Variants in TRRAP observed in about 807,000 individuals in gnomAD.
TRRAP encodes transformation/transcription domain associated protein.
A neutral mutation model predicts 438.8 loss-of-function variants in TRRAP; 41 were observed. That is an observed-to-expected ratio of 0.09 (90% CI 0.07 to 0.12). TRRAP has a LOEUF of 0.12. Among genes scored for constraint, TRRAP ranks in the 10% least tolerant of loss-of-function variants. The pLI is 1.00. For synonymous variants in TRRAP, 1,994 were observed against 1,962.9 expected (o/e 1.02, Z -0.42); for missense variants, 3,122 against 5,055.1 (o/e 0.62, Z 11.60).
At chr7:98,923,245 C>T (rs536773574) in intron 21 of TRRAP, among the ~76,000 whole-genome samples, 13 of 152,194 alleles carry the variant, frequency 8.5e-5, no homozygotes, top group South Asian at 4.1e-4. Context: ...CCAAAAAATT[C>T]CCTTTAGAAG....
chr7:98,937,566 C>G, intron 29 of TRRAP, 84 bp from the exon 30 acceptor site: 4 of 1,387,694 alleles, frequency 2.9e-6, no homozygotes, highest in Non-Finnish European at 3.8e-6. Flanking sequence ...CGGAAACTTG[C>G]AGCTAAGGTT....
At position 98,931,422 on chromosome 7, in the gene TRRAP, C is replaced by A. The variant is rs201815853; in HGVS notation, c.3609C>A (p.Val1203=). ...ACTTGCAGGTTTCCAATGGGGCAGT[C>A]GCTATGGCAAAGACCACGCTGGAGC... is the stretch of plus-strand genomic sequence containing the variant. ...DLTGEVSNGA[V]AMAKTTLEQL... Residue 1203 remains valine, a synonymous_variant, in exon 26 of 73, where the codon GTC becomes GTA. Transcript: ENST00000456197. 6.2e-7 allele frequency: 1 copy of A among 1,613,782 alleles called. No homozygotes were observed. The highest frequency in any genetic ancestry group is 8.5e-7 in the Non-Finnish European group (1 of 1,179,928).
chr7:98,891,390 T>C lies in TRRAP; in HGVS notation c.261+945T>C, dbSNP rs1584272354. 2.7e-5 allele frequency among the ~76,000 whole-genome samples: 4 copies of C among 150,686 alleles called. No individual in the cohort carries two copies. The South Asian group carries it at 6.3e-4, about 24-fold the overall frequency. On this transcript the variant is annotated intron_variant, in intron 4 of 72. Coordinates refer to ENST00000456197, the MANE Select transcript of TRRAP (RefSeq NM_001375524.1). ...CCATGCCCAGCTAGTTTTTGTACTT[T>C]AATAGAGACCATGTTGGCCAGGCTG...
In TRRAP at chr7:99,011,850, CTG is replaced by C. The variant is rs900046275; in HGVS notation, c.11338-220_11338-219del. ...TCATCTAGGTCCGCGCTGCCCAACA[CTG>C]AGGCCTTCTGGCTGCTGCTCCAAGT... On this transcript the variant is annotated intron_variant, in intron 72 of 72. Transcript: ENST00000456197. The surrounding 1 kb of genome is among the most constrained non-coding windows in gnomAD (Gnocchi z 7.1). 6.6e-5 allele frequency among the ~76,000 whole-genome samples: 10 copies of C among 152,232 alleles called. No individual in the cohort carries two copies. Among genetic ancestry groups the C allele is most frequent in the African/African-American group, 1.2e-4 (5 of 41,468 alleles).
rs371418904 is a variant in TRRAP, at chr7:98,978,347, G to A, written c.8498+24G>A. ...CGGTAAGCCAAACACAGTGCTTGACGTGTGCATGAATCAGTTAAGGGAACC... is the reference window on the plus strand; with the variant it reads ...CGGTAAGCCAAACACAGTGCTTGACATGTGCATGAATCAGTTAAGGGAACC... On this transcript the variant is annotated intron_variant, in intron 57 of 72. Coordinates refer to ENST00000456197, the MANE Select transcript of TRRAP (RefSeq NM_001375524.1). 5.2e-5 allele frequency: 82 copies of A among 1,583,292 alleles called. 1 individual carries two copies. The African/African-American group carries it at 8.4e-4, about 16-fold the overall frequency.
At chr7:98,989,488 A>G (rs1040207573) in intron 63 of TRRAP, among the ~76,000 whole-genome samples, 2 of 152,250 alleles carry the variant, frequency 1.3e-5, no homozygotes, top group Non-Finnish European at 2.9e-5. Flanking sequence ...TCTTCCCCCA[A>G]GAAGCAGACA....
intron 30 of TRRAP, among the ~76,000 whole-genome samples, chr7:98,942,657 C>G (rs1554415939): frequency 6.6e-6 from 1 of 152,212 alleles, no homozygotes; most frequent in South Asian, 2.1e-4. Flanking sequence ...TCCAAGCACT[C>G]AGTGAACAGC....
Position 98,945,922 on chromosome 7 carries a change from TG to T in TRRAP, c.4528-6del. On this transcript the variant is annotated splice_region_variant and splice_polypyrimidine_tract_variant and intron_variant, in intron 32 of 72. Transcript: ENST00000456197. ...TTTTTTCATGCTGTAATTTTTGTTTTGGTTCAGCCTGCCATGGAAGGGGTAG... is the reference window on the plus strand; with the variant it reads ...TTTTTTCATGCTGTAATTTTTGTTTTGTTCAGCCTGCCATGGAAGGGGTAG... 6.6e-7 allele frequency: 1 copy of T among 1,509,528 alleles called. No individual in the cohort carries two copies. The highest frequency in any genetic ancestry group is 8.8e-7 in the Non-Finnish European group (1 of 1,130,246). 93.5% of individuals were successfully genotyped at this position (1,509,528 alleles called of 1,614,324 possible). A position where few individuals can be genotyped will look rare whatever the true frequency, so the allele number is the denominator to read the frequency against.
At chr7:98,894,816 T>C (rs1332221881) in intron 6 of TRRAP, among the ~76,000 whole-genome samples, 1 of 135,904 alleles carries the variant, frequency 7.4e-6, no homozygotes, top group Non-Finnish European at 1.6e-5. Flanking sequence ...TTTGTATTTT[T>C]AGTAGAGATG....
chr7:98,905,300 G>A (rs991342802), intron 12 of TRRAP, among the ~76,000 whole-genome samples: 35 of 152,170 alleles, frequency 2.3e-4, no homozygotes, highest in Admixed American at 1.3e-4. Context: ...ACCTAGAGAT[G>A]TGCATCTTGC....
rs542987833 is a variant in TRRAP, at chr7:98,965,026, G to A, written c.6976+251G>A. ...AGCTCCTCAGCGGGCTGAGGCAAGA[G>A]GATTGCATGAGGCCCAGAGTTGGAG... On this transcript the variant is annotated intron_variant, in intron 48 of 72. Transcript: ENST00000456197. Among the ~76,000 whole-genome samples the A allele has an allele frequency of 5.4e-4, 82 of 152,376 alleles. 1 individual carries two copies. The highest frequency in any genetic ancestry group is 2.0e-3 in the African/African-American group (82 of 41,590).
intron 8 of TRRAP, 140 bp downstream of exon 8, chr7:98,898,006 C>T (rs1554406054): frequency 6.6e-6 from 9 of 1,365,730 alleles, no homozygotes; most frequent in Non-Finnish European, 9.1e-6. Context: ...ACTGGTCCTT[C>T]TCTGCAGCCT....
Position 98,892,447 on chromosome 7 carries a change from A to C in TRRAP, c.285A>C (p.Glu95Asp), listed in dbSNP as rs1230101757. 8.1e-6 allele frequency: 13 copies of C among 1,611,760 alleles called. No homozygotes were observed. Among genetic ancestry groups the C allele is most frequent in the Non-Finnish European group, 1.1e-5 (13 of 1,179,598 alleles). ...AGCAACTGCGGAAGCTCGTACTTGA[A>C]ATAATTCATAGAATACCAACCAACG... ...PAQQLRKLVL[E>D]IIHRIPTNEH... The change falls in exon 5 of 73, where the codon GAA (glutamate) becomes GAC (aspartate). Residue 95 changes from glutamate (E) to aspartate (D), a missense_variant. Transcript: ENST00000456197.
chr7:98,978,109 A>G (rs1792751225), intron 56 of TRRAP, 102 bp from the exon 57 acceptor site: 1 of 1,069,198 alleles, frequency 9.4e-7, no homozygotes, highest in Non-Finnish European at 1.4e-6. Context: ...CAACATAGCA[A>G]AACCTCATCT....
At chr7:98,959,228 A>G in intron 44 of TRRAP, 116 bp from the exon 45 acceptor site, 1 of 1,383,782 alleles carries the variant, frequency 7.2e-7, no homozygotes, top group Non-Finnish European at 9.9e-7. Context: ...GGTGGCTGTG[A>G]GGTGAAGATC....
chr7:99,011,268 G>A lies in TRRAP; in HGVS notation c.11142+13G>A. 3 of 1,613,906 alleles carry A rather than the reference G, an allele frequency of 1.9e-6. No individual in the cohort carries two copies. Among genetic ancestry groups the A allele is most frequent in the Non-Finnish European group, 2.5e-6 (3 of 1,179,812 alleles). On this transcript the variant is annotated intron_variant, in intron 71 of 72. Coordinates refer to ENST00000456197, the MANE Select transcript of TRRAP (RefSeq NM_001375524.1). The surrounding 1 kb of genome is among the most constrained non-coding windows in gnomAD (Gnocchi z 7.1). ...ACAGATCGCTCAGGTAACCTGCTTT[G>A]AACAGCCAGATCCTCTCCTCGTGAC...
At chr7:98,930,451 G>A (rs1417785378) in intron 24 of TRRAP, among the ~76,000 whole-genome samples, 182 bp from the exon 25 acceptor site, 2 of 152,180 alleles carry the variant, frequency 1.3e-5, no homozygotes, top group Admixed American at 1.3e-4. Flanking sequence ...GGTGGCGCAT[G>A]CCTGTAATCC....
At chr7:99,007,300 C>G (rs966302359) in intron 69 of TRRAP, among the ~76,000 whole-genome samples, 5 of 152,216 alleles carry the variant, frequency 3.3e-5, no homozygotes, top group African/African-American at 9.6e-5. Flanking sequence ...CCCATAGACT[C>G]TGATTAAGGA....
intron 62 of TRRAP, among the ~76,000 whole-genome samples, chr7:98,985,782 T>C (rs142641811): frequency 3.9e-5 from 6 of 152,382 alleles, no homozygotes; most frequent in Non-Finnish European, 7.3e-5. Flanking sequence ...TTTATCTTTT[T>C]GTGTAATGTT....
Sources: gnomAD v4.1 joint callset for allele counts (sites outside exome capture counted in the v4.1 genomes callset) on GRCh38, gnomAD v4.1.1 for gene constraint, Gnocchi (gnomAD v3.1) non-coding constraint, MANE v1.5 for transcripts, NCBI Gene and HGNC (gene_info 2026-07-23, HGNC 2026-07-21) for gene names.